Variants in BANK1 observed in about 807,000 individuals in gnomAD.
BANK1 encodes B cell scaffold protein with ankyrin repeats 1.
Under a neutral mutation model 94.5 loss-of-function variants are expected in BANK1, and 95 were observed. The observed-to-expected ratio is 1.00, with a 90% CI of 0.85 to 1.19. The LOEUF is 1.19. BANK1 is among the 50% of genes most tolerant of loss of function. BANK1 has a pLI of 0.00. For missense variants in BANK1, 987 were observed against 932.2 expected, an observed-to-expected ratio of 1.06 and a Z score of -0.77; for synonymous variants, 334 against 308.4, an observed-to-expected ratio of 1.08 and a Z score of -0.87.
At chr4:101,826,026 C>A (rs1437066878) in intron 1 of BANK1, among the ~76,000 whole-genome samples, 1 of 152,016 alleles carries the variant, frequency 6.6e-6, no homozygotes, top group African/African-American at 2.4e-5. Context: ...AACATCTACT[C>A]ATAGCTTATT....
chr4:101,791,504 G>C (rs1055275419), intron 1 of BANK1, among the ~76,000 whole-genome samples: 2 of 152,112 alleles, frequency 1.3e-5, no homozygotes, highest in Non-Finnish European at 2.9e-5. Context: ...AAAGGAAAAC[G>C]GTCAACTTGG....
intron 7 of BANK1, among the ~76,000 whole-genome samples, chr4:101,996,694 C>T (rs11097766): frequency 0.38 from 57,147 of 151,910 alleles, 11,868 homozygotes; most frequent in South Asian, 0.53. Flanking sequence ...TTGTAGCAAT[C>T]GTGAATGGGA....
At chr4:101,800,986 G>A (rs995311130) in intron 1 of BANK1, among the ~76,000 whole-genome samples, 1 of 152,154 alleles carries the variant, frequency 6.6e-6, no homozygotes, top group Non-Finnish European at 1.5e-5. Flanking sequence ...TTGAACTCCT[G>A]ACCTTAGATG....
chr4:101,861,324 G>C (rs1305537030), intron 3 of BANK1, among the ~76,000 whole-genome samples: 1 of 152,138 alleles, frequency 6.6e-6, no homozygotes. Flanking sequence ...AGTTTTATTG[G>C]TGAGTAATTT....
At chr4:101,856,848 A>G (rs1727698230) in intron 3 of BANK1, among the ~76,000 whole-genome samples, 1 of 152,160 alleles carries the variant, frequency 6.6e-6, no homozygotes, top group African/African-American at 2.4e-5. Flanking sequence ...AAGAATCCTA[A>G]ACATTTAAAA....
chr4:102,053,361 CAATCTT>C (rs1232761752), intron 11 of BANK1, among the ~76,000 whole-genome samples: 3 of 151,964 alleles, frequency 2.0e-5, no homozygotes, highest in Non-Finnish European at 4.4e-5. Flanking sequence ...GAAAAAGAAA[CAATCTT>C]AAAAGTATTG....
At chr4:101,983,429 T>G (rs1392760635) in intron 7 of BANK1, among the ~76,000 whole-genome samples, 1 of 152,066 alleles carries the variant, frequency 6.6e-6, no homozygotes, top group African/African-American at 2.4e-5. Flanking sequence ...AAAGTTCTGC[T>G]CCTTAATTTC....
chr4:101,867,464 G>A (rs560819006), intron 4 of BANK1, among the ~76,000 whole-genome samples: 35 of 126,744 alleles, frequency 2.8e-4, no homozygotes, highest in African/African-American at 1.1e-3. Context: ...TTAGATCTAC[G>A]TAAAGAAAGA....
chr4:101,830,815 C>A (rs1374947927), intron 2 of BANK1, among the ~76,000 whole-genome samples: 1 of 152,170 alleles, frequency 6.6e-6, no homozygotes, highest in Non-Finnish European at 1.5e-5. Context: ...CCTTAGTCTG[C>A]CCTTTGCTCT....
chr4:101,910,429 C>T (rs1472193417), intron 6 of BANK1, among the ~76,000 whole-genome samples: 1 of 151,734 alleles, frequency 6.6e-6, no homozygotes, highest in Non-Finnish European at 1.5e-5. Flanking sequence ...TGCCTGTAAT[C>T]CCAGCACTTT....
intron 11 of BANK1, among the ~76,000 whole-genome samples, chr4:102,044,435 T>C (rs2148956619): frequency 6.6e-6 from 1 of 152,166 alleles, no homozygotes; most frequent in Non-Finnish European, 1.5e-5. Context: ...CTATCATTGT[T>C]GGACATTTGG....
At chr4:101,833,003 G>A (rs756570172) in intron 2 of BANK1, among the ~76,000 whole-genome samples, 3 of 150,736 alleles carry the variant, frequency 2.0e-5, no homozygotes, top group Non-Finnish European at 4.4e-5. Flanking sequence ...TTTTGAGACG[G>A]AGTTTTGCTC....
At chr4:101,828,998 G>A (rs760097532) in intron 1 of BANK1, among the ~76,000 whole-genome samples, 19 of 151,926 alleles carry the variant, frequency 1.3e-4, no homozygotes, top group Non-Finnish European at 2.1e-4. Flanking sequence ...AAGTGCCTGG[G>A]ACTACAGGCA....
intron 2 of BANK1, among the ~76,000 whole-genome samples, chr4:101,851,523 T>A (rs1727475174): frequency 6.6e-6 from 1 of 152,128 alleles, no homozygotes; most frequent in South Asian, 2.1e-4. Flanking sequence ...ATGAGTGAAT[T>A]TGGGTGGGAG....
At chr4:101,920,164 T>C (rs2148900973) in intron 7 of BANK1, among the ~76,000 whole-genome samples, 1 of 151,964 alleles carries the variant, frequency 6.6e-6, no homozygotes, top group African/African-American at 2.4e-5. Flanking sequence ...AGGTGGGAAT[T>C]GAACAGTGAG....
intron 1 of BANK1, among the ~76,000 whole-genome samples, chr4:101,803,798 C>A (rs1250861421): frequency 6.6e-6 from 1 of 150,764 alleles, no homozygotes; most frequent in Admixed American, 6.6e-5. Flanking sequence ...GAGATCGAGA[C>A]CATCCCGGCT....
At position 102,011,655 on chromosome 4, in the gene BANK1, G is replaced by A. The variant is rs199660881; in HGVS notation, c.1207-9859G>A. 7.2e-5 allele frequency among the ~76,000 whole-genome samples: 11 copies of A among 152,082 alleles called. No homozygotes were observed. In the East Asian group the frequency reaches 1.2e-3, roughly 16 times the overall value. On this transcript the variant is annotated intron_variant, in intron 7 of 16. Transcript: ENST00000322953. ...TGATTCCCTTCTATTTTGATCTTAC[G>A]TCCCGATGTGGGGGGAAGTATGTTT...
At chr4:101,965,502 G>C (rs1724721968) in intron 7 of BANK1, among the ~76,000 whole-genome samples, 1 of 152,054 alleles carries the variant, frequency 6.6e-6, no homozygotes, top group Non-Finnish European at 1.5e-5. Flanking sequence ...GATATCTAAA[G>C]AGTATTTCAA....
chr4:101,808,046 C>T (rs1053624566), intron 1 of BANK1, among the ~76,000 whole-genome samples: 4 of 148,520 alleles, frequency 2.7e-5, no homozygotes, highest in African/African-American at 1.0e-4. Context: ...GATCACACGC[C>T]ACTGCACTCC....
Sources: gnomAD v4.1 joint callset for allele counts (sites outside exome capture counted in the v4.1 genomes callset) on GRCh38, gnomAD v4.1.1 for gene constraint, MANE v1.5 for transcripts, NCBI Gene and HGNC (gene_info 2026-07-23, HGNC 2026-07-21) for gene names.